KCNQ1: variants seen among roughly 807,000 people sequenced by gnomAD.
KCNQ1 encodes the protein potassium voltage-gated channel subfamily Q member 1.
Under a neutral mutation model 72.4 loss-of-function variants are expected in KCNQ1, and 49 were observed. The observed-to-expected ratio is 0.68, with a 90% CI of 0.54 to 0.86. The LOEUF (loss-of-function observed/expected upper bound fraction) is 0.86. Ranked by LOEUF, KCNQ1 falls within the 40% of genes least tolerant of loss-of-function variation. KCNQ1 has a pLI of 0.00. For missense variants in KCNQ1, 790 were observed against 945.1 expected (o/e 0.84, Z 2.15); for synonymous variants, 450 against 412.6 (o/e 1.09, Z -1.10).
intron 8 of KCNQ1, 48 bp from the exon 9 acceptor site, chr11:2,587,522 C>T (rs746244563): frequency 1.3e-5 from 21 of 1,612,162 alleles, no homozygotes; most frequent in South Asian, 4.4e-5. Context: ...TAAGGGCCCC[C>T]GCCGGGTGGC....
In KCNQ1 at chr11:2,683,875, T is replaced by A. The variant is rs1285289829; in HGVS notation, c.1514+21794T>A. On this transcript the variant is annotated intron_variant, in intron 11 of 15. Coordinates refer to ENST00000155840, the MANE Select transcript of KCNQ1 (RefSeq NM_000218.3). The surrounding 1 kb of genome is among the most constrained non-coding windows in gnomAD (Gnocchi z 4.7). ...CCCACACTCACTGCTACATCTCTCT[T>A]CCAAATCATAAATGCAAAAGATGGC... 4 of 398,142 alleles carry A rather than the reference T, an allele frequency of 1.0e-5. No individual in the cohort carries two copies. Among genetic ancestry groups the A allele is most frequent in the Non-Finnish European group, 1.3e-5 (3 of 226,042 alleles). The allele number at this position is 398,142 out of a possible 1,614,324, so 24.7% of individuals were successfully genotyped here.
rs1262305734 is a variant in KCNQ1, at chr11:2,699,496, CCGCGCTGAGGAGCCCCCAG to C, written c.1514+37416_1514+37434del. 16 of 180,238 alleles carry C rather than the reference CCGCGCTGAGGAGCCCCCAG, an allele frequency of 8.9e-5. No individual in the cohort carries two copies. The East Asian group carries it at 4.3e-3, about 49-fold the overall frequency. The allele number at this position is 180,238 out of a possible 1,614,324, so 11.2% of individuals were successfully genotyped here. A position where few individuals can be genotyped will look rare whatever the true frequency, so the allele number is the denominator to read the frequency against. On this transcript the variant is annotated intron_variant, in intron 11 of 15. Transcript: ENST00000155840. ...CGCTGAGGAGCCCCCGGGGAGAGTG[CCGCGCTGAGGAGCCCCCAG>C]GAGAGTGCCGCGCTGAGGAGGCCCA...
At chr11:2,629,634 C>T (rs768411304) in intron 10 of KCNQ1, 8 of 398,262 alleles carry the variant, frequency 2.0e-5, no homozygotes, top group African/African-American at 6.2e-5. Flanking sequence ...AGAAATCATG[C>T]GTTCATATAT....
chr11:2,675,169 G>T, intron 11 of KCNQ1: 1 of 398,598 alleles, frequency 2.5e-6, no homozygotes. Flanking sequence ...TGCTCTAGCG[G>T]GGAAAGATTA....
chr11:2,667,073 G>GA lies in KCNQ1; in HGVS notation c.1514+4992_1514+4993insA, dbSNP rs1850087281. On this transcript the variant is annotated intron_variant, in intron 11 of 15. Transcript: ENST00000155840. ...CAAACCCGTCTCTGAAATGCACGGG[G>GA]GGATTAAATGTTCTTCTAATTAAAT... 7.5e-6 allele frequency: 3 copies of GA among 398,632 alleles called. No homozygotes were observed. The East Asian group carries it at 1.1e-4, about 14-fold the overall frequency. 24.7% of individuals were successfully genotyped at this position (398,632 alleles called of 1,614,324 possible).
Position 2,624,889 on chromosome 11 carries a change from T to C in KCNQ1, c.1393+36035T>C, listed in dbSNP as rs1849239261. Reference sequence around the variant, plus strand: ...TCATTTAACATAATGGCCTCGAGGTTCATCCATGTTGTGGCATGTGTCAAA... The same window carrying C: ...TCATTTAACATAATGGCCTCGAGGTCCATCCATGTTGTGGCATGTGTCAAA... On this transcript the variant is annotated intron_variant, in intron 10 of 15. Transcript: ENST00000155840. This position sits in a 1 kb window ranked among gnomAD's most constrained non-coding sequence, Gnocchi z 4.9. 2 of 398,510 alleles carry C rather than the reference T, an allele frequency of 5.0e-6. No homozygotes were observed. The highest frequency in any genetic ancestry group is 8.8e-6 in the Non-Finnish European group (2 of 226,094). The allele number at this position is 398,510 out of a possible 1,614,324, so 24.7% of individuals were successfully genotyped here.
rs199472782 is a variant in KCNQ1, at chr11:2,588,812, C to T, written c.1351C>T (p.Arg451Trp). 3 of 1,613,012 alleles carry T rather than the reference C, an allele frequency of 1.9e-6. No individual in the cohort carries two copies. Among genetic ancestry groups the T allele is most frequent in the Admixed American group, 1.7e-5 (1 of 59,976 alleles). Residue 451 changes from arginine to tryptophan, a missense_variant, in exon 10 of 16, where the codon CGG (arginine) becomes TGG (tryptophan). Arg to Trp is a moderately radical substitution (Grantham distance 101). Transcript: ENST00000155840. This position sits in a 1 kb window ranked among gnomAD's most constrained non-coding sequence, Gnocchi z 5.6. ...PHITCDPPEERRLDHFSVDGY... is the reference protein window; with the variant it reads ...PHITCDPPEEWRLDHFSVDGY... ...TATCACGTGCGACCCCCCAGAAGAG[C>T]GGCGGCTGGACCACTTCTCTGTCGA...
In KCNQ1 at chr11:2,847,859, C is replaced by A; in HGVS notation, c.1887C>A (p.Gly629=). The A allele has an allele frequency of 1.3e-6, 2 of 1,574,526 alleles. No individual in the cohort carries two copies. Among genetic ancestry groups the A allele is most frequent in the Non-Finnish European group, 1.7e-6 (2 of 1,160,022 alleles). ...GTGGCAGCACCCCCGGCAGCGGCGG[C>A]CCCCCCAGAGAGGGCGGGGCCCACA... The part of the protein sequence containing the change: ...LHGGSTPGSG[G]PPREGGAHIT... The change falls in exon 16 of 16, where the codon GGC becomes GGA. Residue 629 remains glycine, a synonymous_variant. Coordinates refer to ENST00000155840, the MANE Select transcript of KCNQ1 (RefSeq NM_000218.3).
At chr11:2,739,454 C>A (rs1019555773) in intron 11 of KCNQ1, among the ~76,000 whole-genome samples, 1 of 152,222 alleles carries the variant, frequency 6.6e-6, no homozygotes, top group African/African-American at 2.4e-5. Flanking sequence ...TCCCCCACCC[C>A]CAAAGGTGGA....
intron 15 of KCNQ1, among the ~76,000 whole-genome samples, chr11:2,838,907 G>A (rs1003797553): frequency 1.1e-4 from 16 of 152,188 alleles, no homozygotes; most frequent in East Asian, 3.9e-4. Flanking sequence ...TGTGCCCACC[G>A]CCAGCACAAA....
At chr11:2,609,229 T>A (rs1848934546) in intron 10 of KCNQ1, 4 of 398,174 alleles carry the variant, frequency 1.0e-5, no homozygotes, top group African/African-American at 2.1e-5. Context: ...GTATCTTCAT[T>A]TTCATTAATC....
rs1356783560 is a variant in KCNQ1, at chr11:2,566,586, GA to G, written c.478-4041del. Among the ~76,000 whole-genome samples the G allele has an allele frequency of 6.6e-6, 1 of 152,204 alleles. No individual in the cohort carries two copies. Among genetic ancestry groups the G allele is most frequent in the East Asian group, 1.9e-4 (1 of 5,190 alleles). Reference sequence around the variant, plus strand: ...TGTCCATGAAGCCATCTGCAGCCAGGAGGCGGCCTTGCTTTAGTCTGAAGGA... The same window carrying G: ...TGTCCATGAAGCCATCTGCAGCCAGGGGCGGCCTTGCTTTAGTCTGAAGGA... On this transcript the variant is annotated intron_variant, in intron 2 of 15. Transcript: ENST00000155840. The surrounding 1 kb of genome is among the most constrained non-coding windows in gnomAD (Gnocchi z 6.7).
chr11:2,678,584 T>C lies in KCNQ1; in HGVS notation c.1514+16503T>C. On this transcript the variant is annotated intron_variant, in intron 11 of 15. Coordinates refer to ENST00000155840, the MANE Select transcript of KCNQ1 (RefSeq NM_000218.3). This position sits in a 1 kb window ranked among gnomAD's most constrained non-coding sequence, Gnocchi z 4.9. ...TAATTATGTAACTTTATGATGCACTTATCTGTGTAGCAGGACTCCCCCTCA... is the reference window on the plus strand; with the variant it reads ...TAATTATGTAACTTTATGATGCACTCATCTGTGTAGCAGGACTCCCCCTCA... 1 of 398,642 alleles carries C rather than the reference T, an allele frequency of 2.5e-6. No homozygotes were observed. Among genetic ancestry groups the C allele is most frequent in the Non-Finnish European group, 4.4e-6 (1 of 226,054 alleles). The allele number at this position is 398,642 out of a possible 1,614,324, so 24.7% of individuals were successfully genotyped here.
intron 1 of KCNQ1, among the ~76,000 whole-genome samples, chr11:2,459,729 G>A (rs1186439588): frequency 1.3e-5 from 2 of 152,000 alleles, no homozygotes; most frequent in African/African-American, 4.8e-5. Flanking sequence ...CCTACAAAGA[G>A]TTCCCCCTTT....
chr11:2,615,172 T>A (rs1483399019), intron 10 of KCNQ1: 1 of 398,260 alleles, frequency 2.5e-6, no homozygotes, highest in Non-Finnish European at 4.4e-6. Flanking sequence ...AGTGGAATTT[T>A]AAAAATTGAC....
Position 2,538,804 on chromosome 11 carries a change from C to G in KCNQ1, c.477+10786C>G, listed in dbSNP as rs1589938043. 1.0e-5 allele frequency among the ~76,000 whole-genome samples: 1 copy of G among 98,136 alleles called. No homozygotes were observed. Among genetic ancestry groups the G allele is most frequent in the Non-Finnish European group, 1.9e-5 (1 of 53,700 alleles). The allele number at this position is 98,136 out of a possible 152,430, so 64.4% of individuals were successfully genotyped here. ...TCATATATATCAAGTTTGTTCAGAACAAGATGGGGTGGGGTGGGGGGCAGT... is the reference window on the plus strand; with the variant it reads ...TCATATATATCAAGTTTGTTCAGAAGAAGATGGGGTGGGGTGGGGGGCAGT... On this transcript the variant is annotated intron_variant, in intron 2 of 15. Coordinates refer to ENST00000155840, the MANE Select transcript of KCNQ1 (RefSeq NM_000218.3). The surrounding 1 kb of genome is among the most constrained non-coding windows in gnomAD (Gnocchi z 6.7).
chr11:2,691,944 C>G lies in KCNQ1; in HGVS notation c.1514+29863C>G. The G allele has an allele frequency of 2.5e-6, 1 of 398,654 alleles. No individual in the cohort carries two copies. The highest frequency in any genetic ancestry group is 4.4e-6 in the Non-Finnish European group (1 of 226,126). 24.7% of individuals were successfully genotyped at this position (398,654 alleles called of 1,614,324 possible). A position where few individuals can be genotyped will look rare whatever the true frequency, so the allele number is the denominator to read the frequency against. ...TGGCAGGTTTTCCCTTCTGGCATGG[C>G]CACTAAATGCCAGTGCCTTTCTCTA... On this transcript the variant is annotated intron_variant, in intron 11 of 15. Coordinates refer to ENST00000155840, the MANE Select transcript of KCNQ1 (RefSeq NM_000218.3). This position sits in a 1 kb window ranked among gnomAD's most constrained non-coding sequence, Gnocchi z 6.4.
At chr11:2,641,897 C>G (rs1849584998) in intron 10 of KCNQ1, 1 of 398,392 alleles carries the variant, frequency 2.5e-6, no homozygotes, top group South Asian at 1.3e-4. Flanking sequence ...GTGCTCTTTT[C>G]CCAGTGTATG....
intron 15 of KCNQ1, among the ~76,000 whole-genome samples, chr11:2,790,852 G>A (rs191596931): frequency 4.3e-4 from 66 of 152,292 alleles, no homozygotes; most frequent in African/African-American, 1.4e-3. Flanking sequence ...TTCAAGTTCC[G>A]CCTCAACCCT....
Sources: allele counts gnomAD v4.1 joint callset (sites outside exome capture counted in the v4.1 genomes callset), GRCh38; gene constraint gnomAD v4.1.1; non-coding constraint Gnocchi (gnomAD v3.1); transcripts MANE v1.5; gene names NCBI Gene and HGNC (gene_info 2026-07-23, HGNC 2026-07-21).